The following IL1RAPL2 variants were observed in gnomAD, a reference collection of about 807,000 sequenced individuals.
IL1RAPL2 encodes the protein interleukin 1 receptor accessory protein like 2, also known as X-linked interleukin-1 receptor accessory protein-like 2.
In IL1RAPL2, 3 loss-of-function variants were observed where a neutral mutation model predicts 44.1. The ratio of observed to expected loss-of-function variants is 0.07; its 90% CI spans 0.03 to 0.18. The LOEUF is 0.18. Among genes scored for constraint, IL1RAPL2 ranks in the 10% least tolerant of loss-of-function variants. The pLI is 1.00. For missense variants in IL1RAPL2, 391 were observed against 496.4 expected, an observed-to-expected ratio of 0.79 and a Z score of 2.02; for synonymous variants, 181 against 178.8, an observed-to-expected ratio of 1.01 and a Z score of -0.10.
At chrX:105,599,579 G>A (rs2037235810) in intron 6 of IL1RAPL2, among the ~76,000 whole-genome samples, 2 of 110,902 alleles carry the variant, frequency 1.8e-5, no homozygotes, top group Admixed American at 1.9e-4. Context: ...AAAGAACTTA[G>A]TAATCAAGAC....
intron 2 of IL1RAPL2, among the ~76,000 whole-genome samples, chrX:105,007,034 T>C (rs2030955498): frequency 9.0e-6 from 1 of 111,719 alleles, no homozygotes; most frequent in Non-Finnish European, 1.9e-5. Context: ...TTTATAACTG[T>C]GTTTAATGCC....
intron 2 of IL1RAPL2, among the ~76,000 whole-genome samples, chrX:105,157,887 A>G (rs1034664461): frequency 1.7e-4 from 19 of 112,288 alleles, no homozygotes; most frequent in African/African-American, 6.1e-4. Context: ...TCCAGCTGTT[A>G]TTATTTATCT....
At chrX:105,317,803 G>A (rs1258156765) in intron 5 of IL1RAPL2, among the ~76,000 whole-genome samples, 1 of 110,468 alleles carries the variant, frequency 9.1e-6, no homozygotes, top group East Asian at 2.9e-4. Flanking sequence ...ATGAGAACAG[G>A]ACAGAGCTAC....
At chrX:104,694,043 G>A in intron 2 of IL1RAPL2, among the ~76,000 whole-genome samples, 1 of 111,713 alleles carries the variant, frequency 9.0e-6, no homozygotes, top group Non-Finnish European at 1.9e-5. Context: ...TTTGCATTTG[G>A]GGGGAACCTC....
At chrX:105,576,844 G>A (rs1272698014) in intron 6 of IL1RAPL2, among the ~76,000 whole-genome samples, 1 of 111,388 alleles carries the variant, frequency 9.0e-6, no homozygotes, top group Admixed American at 9.6e-5. Context: ...TATAGGCAGA[G>A]CATTTCATGT....
At chrX:105,414,599 A>T (rs1017711048) in intron 5 of IL1RAPL2, among the ~76,000 whole-genome samples, 1 of 111,591 alleles carries the variant, frequency 9.0e-6, no homozygotes, top group Non-Finnish European at 1.9e-5. Context: ...TTGTTTCTGC[A>T]CAGGGGCTTT....
intron 2 of IL1RAPL2, among the ~76,000 whole-genome samples, chrX:105,006,803 A>G (rs2030950505): frequency 9.0e-6 from 1 of 111,343 alleles, no homozygotes; most frequent in Non-Finnish European, 1.9e-5. Context: ...CCTTGCTATT[A>G]CCATCATCTC....
At chrX:104,750,152 A>T (rs1932234695) in intron 2 of IL1RAPL2, among the ~76,000 whole-genome samples, 2 of 112,031 alleles carry the variant, frequency 1.8e-5, no homozygotes, top group Admixed American at 1.9e-4. Flanking sequence ...CATGTTGTCT[A>T]GATGATGAAT....
chrX:105,747,512 G>GTA (rs2038556806), intron 8 of IL1RAPL2, among the ~76,000 whole-genome samples: 6 of 54,196 alleles, frequency 1.1e-4, no homozygotes, highest in African/African-American at 3.5e-4. Context: ...GTGTGTGTGT[G>GTA]TGTGTATATA....
intron 2 of IL1RAPL2, among the ~76,000 whole-genome samples, chrX:105,069,631 C>T (rs1295412321): frequency 4.5e-5 from 5 of 111,711 alleles, no homozygotes; most frequent in Admixed American, 9.5e-5. Flanking sequence ...TTTAGCTTTA[C>T]ATCAGATTAA....
chrX:104,892,264 G>A (rs902530184), intron 2 of IL1RAPL2, among the ~76,000 whole-genome samples: 1 of 111,239 alleles, frequency 9.0e-6, no homozygotes, highest in Non-Finnish European at 1.9e-5. Context: ...CTCTTTTTTT[G>A]TTGTGTCTCT....
chrX:104,704,415 T>C (rs1051011692), intron 2 of IL1RAPL2, among the ~76,000 whole-genome samples: 34 of 111,428 alleles, frequency 3.1e-4, no homozygotes, highest in African/African-American at 8.5e-4. Context: ...GGGGTGAGTT[T>C]AGTGGGACAG....
intron 4 of IL1RAPL2, among the ~76,000 whole-genome samples, chrX:105,262,104 G>T (rs1052304264): frequency 2.7e-5 from 3 of 112,237 alleles, no homozygotes; most frequent in Non-Finnish European, 5.6e-5. Flanking sequence ...TCTGCTCCCA[G>T]TGAGCTGTGA....
Position 105,427,015 on chromosome X carries a change from A to G in IL1RAPL2, c.698-57298A>G, listed in dbSNP as rs760070771. 8.0e-4 allele frequency among the ~76,000 whole-genome samples: 90 copies of G among 112,756 alleles called. 1 individual carries two copies. Among genetic ancestry groups the G allele is most frequent in the African/African-American group, 2.8e-3 (88 of 31,144 alleles). ...TTATGCTCAAAGTGGTTTGGGTTCA[A>G]AGTTGGATTTTTGTTGTAAATACAC... is the stretch of plus-strand genomic sequence containing the variant. On this transcript the variant is annotated intron_variant, in intron 5 of 10. Coordinates refer to ENST00000372582, the MANE Select transcript of IL1RAPL2 (RefSeq NM_017416.2).
At chrX:105,406,151 A>G in intron 5 of IL1RAPL2, 1 of 1,167,903 alleles carries the variant, frequency 8.6e-7, no homozygotes, top group Non-Finnish European at 1.2e-6. Flanking sequence ...GTTTATAAAG[A>G]CAAATGGAGA....
At chrX:104,633,915 A>G (rs1217041914) in intron 1 of IL1RAPL2, among the ~76,000 whole-genome samples, 1 of 110,531 alleles carries the variant, frequency 9.0e-6, no homozygotes, top group Non-Finnish European at 1.9e-5. Flanking sequence ...TTGCTTTTCT[A>G]GTTCTTTTAA....
In IL1RAPL2 at chrX:105,378,796, A is replaced by G. The variant is rs139556917; in HGVS notation, c.698-105517A>G. On this transcript the variant is annotated intron_variant, in intron 5 of 10. Transcript: ENST00000372582. The stretch of plus-strand genomic sequence containing the variant: ...CTAGGAGCATGTTCTCTCACATTTA[A>G]TAAAGTAAAAAATGCATCAGCTTTT... Among the ~76,000 whole-genome samples, 29 of 112,067 alleles carry G rather than the reference A, an allele frequency of 2.6e-4. No individual in the cohort carries two copies. The East Asian group carries it at 6.2e-3, about 24-fold the overall frequency.
intron 6 of IL1RAPL2, among the ~76,000 whole-genome samples, chrX:105,664,798 G>A (rs985357923): frequency 2.7e-5 from 3 of 111,513 alleles, no homozygotes; most frequent in African/African-American, 9.8e-5. Context: ...AGGGTGTCAG[G>A]GAAATCTGGA....
chrX:105,643,879 CT>C (rs1015470435), intron 6 of IL1RAPL2, among the ~76,000 whole-genome samples: 1 of 110,685 alleles, frequency 9.0e-6, no homozygotes, highest in Admixed American at 9.6e-5. Context: ...TTAAAGCAAG[CT>C]TTTTTTTCTT....
Sources: gnomAD v4.1 joint callset for allele counts (sites outside exome capture counted in the v4.1 genomes callset) on GRCh38, gnomAD v4.1.1 for gene constraint, MANE v1.5 for transcripts, NCBI Gene and HGNC (gene_info 2026-07-23, HGNC 2026-07-21) for gene names.